The following TMEM117 variants were observed in gnomAD, a reference collection of about 807,000 sequenced individuals.
The protein encoded by TMEM117 is transmembrane protein 117.
A neutral mutation model predicts 52.4 loss-of-function variants in TMEM117; 27 were observed. The ratio of observed to expected loss-of-function variants is 0.51; its 90% CI spans 0.38 to 0.71. The LOEUF (loss-of-function observed/expected upper bound fraction) is 0.71. Among genes scored for constraint, TMEM117 ranks in the 30% least tolerant of loss-of-function variants. TMEM117 has a pLI of 0.00. For synonymous variants in TMEM117, 215 were observed against 206.3 expected (o/e 1.04, Z -0.36); for missense variants, 556 against 630.5 (o/e 0.88, Z 1.26).
intron 7 of TMEM117, among the ~76,000 whole-genome samples, chr12:44,387,407 T>A (rs1265709655): frequency 6.6e-6 from 1 of 151,968 alleles, no homozygotes; most frequent in Non-Finnish European, 1.5e-5. Flanking sequence ...GTTCATAAGG[T>A]ATGGTTACAT....
At chr12:44,275,290 A>G (rs1158479565) in intron 5 of TMEM117, among the ~76,000 whole-genome samples, 2 of 152,126 alleles carry the variant, frequency 1.3e-5, no homozygotes, top group Non-Finnish European at 2.9e-5. Flanking sequence ...TCCAAACGAC[A>G]GACAATAACA....
At chr12:44,138,411 A>G (rs1305748561) in intron 3 of TMEM117, among the ~76,000 whole-genome samples, 1 of 152,104 alleles carries the variant, frequency 6.6e-6, no homozygotes, top group African/African-American at 2.4e-5. Flanking sequence ...TGTAATACTA[A>G]TGTTTCTGTA....
chr12:44,100,462 G>A (rs1245345982), intron 3 of TMEM117, among the ~76,000 whole-genome samples: 1 of 151,966 alleles, frequency 6.6e-6, no homozygotes, highest in Non-Finnish European at 1.5e-5. Context: ...AATGCCTAAT[G>A]CTTCAGATCA....
At chr12:44,283,017 T>C (rs888020499) in intron 5 of TMEM117, among the ~76,000 whole-genome samples, 1 of 152,194 alleles carries the variant, frequency 6.6e-6, no homozygotes, top group Non-Finnish European at 1.5e-5. Flanking sequence ...GCCCCAAACT[T>C]TGGCAGCTCC....
intron 6 of TMEM117, among the ~76,000 whole-genome samples, chr12:44,331,729 T>C (rs942649193): frequency 6.6e-6 from 1 of 152,022 alleles, no homozygotes; most frequent in African/African-American, 2.4e-5. Context: ...TTTTTACTGC[T>C]CAAAGTTTTG....
In TMEM117 at chr12:44,111,478, C is replaced by A. The variant is rs1162654394; in HGVS notation, c.411-32047C>A. 8.1e-5 allele frequency among the ~76,000 whole-genome samples: 4 copies of A among 49,340 alleles called. No individual in the cohort carries two copies. The Admixed American group carries it at 8.3e-4, about 10-fold the overall frequency. 32.4% of individuals were successfully genotyped at this position (49,340 alleles called of 152,430 possible). A position where few individuals can be genotyped will look rare whatever the true frequency, so the allele number is the denominator to read the frequency against. ...TTTCGTTATGTACCCAGTAGTCATT[C>A]AGGAGCAGGTTGTTCAGTTTCCATG... On this transcript the variant is annotated intron_variant, in intron 3 of 7. Transcript: ENST00000266534.
chr12:44,351,200 G>C (rs1050449634), intron 6 of TMEM117, among the ~76,000 whole-genome samples: 5 of 151,800 alleles, frequency 3.3e-5, no homozygotes, highest in Non-Finnish European at 5.9e-5. Context: ...TTTTTTATTG[G>C]ATTATTAAAT....
chr12:44,006,179 A>G (rs1379060281), intron 3 of TMEM117, among the ~76,000 whole-genome samples: 1 of 152,130 alleles, frequency 6.6e-6, no homozygotes, highest in Non-Finnish European at 1.5e-5. Context: ...AACATTCACC[A>G]CTTATCTGTG....
At chr12:43,970,435 T>TGC (rs1945563567) in intron 3 of TMEM117, among the ~76,000 whole-genome samples, 1 of 151,876 alleles carries the variant, frequency 6.6e-6, no homozygotes, top group Non-Finnish European at 1.5e-5. Flanking sequence ...ACTACAGGCA[T>TGC]CTGCCACCAC....
At chr12:44,065,022 C>T (rs1188410371) in intron 3 of TMEM117, among the ~76,000 whole-genome samples, 3 of 152,030 alleles carry the variant, frequency 2.0e-5, no homozygotes, top group African/African-American at 7.2e-5. Flanking sequence ...AATAAAAATA[C>T]AATAGCCCTT....
At chr12:44,392,646 C>T (rs561794884), downstream of TMEM117, among the ~76,000 whole-genome samples, 32 of 151,714 alleles carry the variant, frequency 2.1e-4, no homozygotes, top group South Asian at 1.3e-3. Context: ...TAACATTAGG[C>T]ATATCTCCTA....
chr12:44,228,402 C>G (rs1949890289), intron 5 of TMEM117, among the ~76,000 whole-genome samples: 2 of 152,138 alleles, frequency 1.3e-5, no homozygotes. Context: ...TGTTAGGTGT[C>G]AGTGACTATT....
rs548364962 is a variant in TMEM117 at position 44,127,337 on chromosome 12, G to T, written c.411-16188G>T. ...TGTTTAATCAAATACAAATCTAGGC[G>T]TTGTTTTGAAGGTATTTTGTAGATA... On this transcript the variant is annotated intron_variant, in intron 3 of 7. Coordinates refer to ENST00000266534, the MANE Select transcript of TMEM117 (RefSeq NM_032256.3). 2.0e-5 allele frequency among the ~76,000 whole-genome samples: 3 copies of T among 151,878 alleles called. No individual in the cohort carries two copies. The South Asian group carries it at 6.2e-4, about 31-fold the overall frequency.
intron 2 of TMEM117, among the ~76,000 whole-genome samples, chr12:43,867,402 A>G (rs1309525806): frequency 6.6e-6 from 1 of 152,210 alleles, no homozygotes; most frequent in African/African-American, 2.4e-5. Context: ...ATGCCAAAAG[A>G]AGGCAGGAAA....
At chr12:44,256,426 C>T (rs1950261237) in intron 5 of TMEM117, among the ~76,000 whole-genome samples, 2 of 151,820 alleles carry the variant, frequency 1.3e-5, no homozygotes, top group Admixed American at 1.3e-4. Flanking sequence ...TCACATATTT[C>T]AATAAAGTTA....
intron 3 of TMEM117, among the ~76,000 whole-genome samples, chr12:44,072,269 T>A (rs905906826): frequency 1.3e-5 from 2 of 152,186 alleles, no homozygotes; most frequent in Non-Finnish European, 2.9e-5. Flanking sequence ...TCTTTCCCTT[T>A]ACTTTGGATC....
upstream of TMEM117, among the ~76,000 whole-genome samples, chr12:43,834,020 C>A (rs1308373285): frequency 4.6e-5 from 7 of 151,798 alleles, no homozygotes; most frequent in African/African-American, 1.7e-4. Context: ...TTGAGCCCAG[C>A]AGGTCAAGGC....
intron 1 of TMEM117, among the ~76,000 whole-genome samples, chr12:43,840,663 C>G (rs1943103245): frequency 6.6e-6 from 1 of 152,132 alleles, no homozygotes; most frequent in African/African-American, 2.4e-5. Flanking sequence ...TGTGCTGTGC[C>G]CTGGCAGTAA....
intron 4 of TMEM117, among the ~76,000 whole-genome samples, chr12:44,151,002 C>A (rs370225544): frequency 1.8e-4 from 28 of 151,928 alleles, no homozygotes; most frequent in Non-Finnish European, 1.5e-5. Flanking sequence ...TATATGTATG[C>A]AATTTATATT....
Sources: gnomAD v4.1 joint callset for allele counts (sites outside exome capture counted in the v4.1 genomes callset) on GRCh38, gnomAD v4.1.1 for gene constraint, MANE v1.5 for transcripts, NCBI Gene and HGNC (gene_info 2026-07-23, HGNC 2026-07-21) for gene names.